KPNA3: variants seen among roughly 807,000 people sequenced by gnomAD.
KPNA3 encodes the protein importin subunit alpha-4.
KPNA3 carries 13 observed loss-of-function variants against 73.8 expected under a neutral mutation model. That is an observed-to-expected ratio of 0.18 (90% CI 0.11 to 0.28). The LOEUF is 0.28. Among genes scored for constraint, KPNA3 ranks in the 10% least tolerant of loss-of-function variants. The pLI is 1.00. For synonymous variants in KPNA3, 186 were observed against 206.9 expected, an observed-to-expected ratio of 0.90 and a Z score of 0.87; for missense variants, 360 against 618.1, an observed-to-expected ratio of 0.58 and a Z score of 4.43.
At chr13:49,704,483 A>T (rs1226962755) in intron 15 of KPNA3, among the ~76,000 whole-genome samples, 1 of 146,200 alleles carries the variant, frequency 6.8e-6, no homozygotes, top group Admixed American at 6.9e-5. Context: ...ATAAATAAAT[A>T]GAAAGAAAGA....
intron 15 of KPNA3, among the ~76,000 whole-genome samples, chr13:49,704,431 TAAAAAATAAATA>T (rs1434492088): frequency 1.5e-4 from 8 of 52,380 alleles, no homozygotes; most frequent in East Asian, 1.8e-3. Context: ...AATAAATAAA[TAAAAAATAAATA>T]AATAAATAAA....
chr13:49,740,290 A>G (rs142272196), intron 2 of KPNA3, among the ~76,000 whole-genome samples: 2 of 152,134 alleles, frequency 1.3e-5, no homozygotes, highest in East Asian at 1.9e-4. Context: ...CTTACATTTC[A>G]TTTTTGTGTG....
chr13:49,717,848 A>T (rs1197815962), intron 10 of KPNA3, among the ~76,000 whole-genome samples: 1 of 152,212 alleles, frequency 6.6e-6, no homozygotes, highest in Non-Finnish European at 1.5e-5. Flanking sequence ...GCTCGTCTCA[A>T]ATGTTACTTT....
intron 1 of KPNA3, among the ~76,000 whole-genome samples, chr13:49,752,760 G>A (rs772147748): frequency 2.4e-4 from 36 of 152,074 alleles, no homozygotes; most frequent in Non-Finnish European, 4.9e-4. Context: ...TGGGCACGGT[G>A]GCTTACGTCT....
intron 10 of KPNA3, among the ~76,000 whole-genome samples, chr13:49,713,387 A>G (rs917691608): frequency 5.9e-5 from 9 of 151,534 alleles, no homozygotes; most frequent in Admixed American, 1.3e-4. Flanking sequence ...GGGAAGTCAA[A>G]TAGGCAAAAA....
In KPNA3 at chr13:49,701,607, A is replaced by G. The variant is rs561195858; in HGVS notation, c.*193T>C. ...TCTAAAACAGTTTAGGAAATCATGC[A>G]TATGCATTTACAGTCCATGTGATAG... On this transcript the variant is annotated 3_prime_UTR_variant, in exon 17 of 17. Transcript: ENST00000261667. The G allele has an allele frequency of 1.4e-6, 1 of 719,252 alleles. No individual in the cohort carries two copies. Among genetic ancestry groups the G allele is most frequent in the Admixed American group, 1.9e-5 (1 of 51,706 alleles). 44.6% of individuals were successfully genotyped at this position (719,252 alleles called of 1,614,324 possible).
At chr13:49,783,905 G>A (rs1470072773) in intron 1 of KPNA3, among the ~76,000 whole-genome samples, 1 of 152,144 alleles carries the variant, frequency 6.6e-6, no homozygotes. Flanking sequence ...ACCAACTGAA[G>A]TTTAAATAAA....
intron 2 of KPNA3, among the ~76,000 whole-genome samples, chr13:49,734,950 T>TAGAGAGAGAGAGAGAGAGAG (rs879944192): frequency 2.6e-5 from 2 of 76,092 alleles, no homozygotes; most frequent in African/African-American, 6.9e-5. Flanking sequence ...GAGAGAGAGA[T>TAGAGAGAGAGAGAGAGAGAG]AGATAGAGAG....
At chr13:49,775,003 A>T (rs193210652) in intron 1 of KPNA3, among the ~76,000 whole-genome samples, 1 of 151,792 alleles carries the variant, frequency 6.6e-6, no homozygotes, top group Admixed American at 6.6e-5. Flanking sequence ...AAAATACAAA[A>T]ATTTGCCACT....
intron 1 of KPNA3, among the ~76,000 whole-genome samples, chr13:49,775,162 C>CAAAAAAAAAAAAAAAA (rs60494803): frequency 2.1e-5 from 2 of 93,058 alleles, no homozygotes; most frequent in African/African-American, 4.9e-5. Context: ...GACTCTGTCT[C>CAAAAAAAAAAAAAAAA]AAAAAAAAAA....
At chr13:49,708,194 A>C (rs1799340528) in intron 12 of KPNA3, among the ~76,000 whole-genome samples, 1 of 151,850 alleles carries the variant, frequency 6.6e-6, no homozygotes, top group East Asian at 1.9e-4. Context: ...ACGGGGTTTC[A>C]CTGTGTTAGC....
At chr13:49,751,889 T>C (rs745874416) in intron 1 of KPNA3, among the ~76,000 whole-genome samples, 26 of 152,126 alleles carry the variant, frequency 1.7e-4, no homozygotes, top group Admixed American at 2.0e-4. Flanking sequence ...GCCTGGGTGA[T>C]AGAGACCCTG....
intron 1 of KPNA3, among the ~76,000 whole-genome samples, chr13:49,762,446 T>C (rs916115409): frequency 1.3e-5 from 2 of 152,162 alleles, no homozygotes; most frequent in African/African-American, 2.4e-5. Context: ...GGGGAAAAGA[T>C]AGAGAAATCA....
intron 10 of KPNA3, among the ~76,000 whole-genome samples, chr13:49,718,821 T>C (rs1390578998): frequency 6.6e-6 from 1 of 152,170 alleles, no homozygotes; most frequent in African/African-American, 2.4e-5. Context: ...GCTAGAGTAA[T>C]GTGATACAAT....
intron 1 of KPNA3, among the ~76,000 whole-genome samples, chr13:49,788,846 C>T (rs995078550): frequency 1.3e-4 from 20 of 150,252 alleles, no homozygotes; most frequent in African/African-American, 4.9e-4. Flanking sequence ...CTCCAAATTT[C>T]TATCAGTGAT....
At chr13:49,722,214 C>T (rs1447860827) in intron 8 of KPNA3, 90 bp from the exon 9 acceptor site, 18 of 885,236 alleles carry the variant, frequency 2.0e-5, no homozygotes, top group Admixed American at 3.1e-5. Context: ...GGAACACTGA[C>T]GTTCTATGTT....
intron 1 of KPNA3, among the ~76,000 whole-genome samples, chr13:49,782,747 C>T (rs1032123534): frequency 6.6e-6 from 1 of 151,696 alleles, no homozygotes; most frequent in Admixed American, 6.6e-5. Context: ...GGCGTGGTGG[C>T]GTGCACCTGT....
intron 1 of KPNA3, among the ~76,000 whole-genome samples, chr13:49,768,009 A>G (rs1020632512): frequency 7.9e-5 from 12 of 152,062 alleles, no homozygotes; most frequent in African/African-American, 2.9e-4. Flanking sequence ...CTTTGTATTT[A>G]AAATGCTGCT....
intron 11 of KPNA3, 55 bp downstream of exon 11, chr13:49,710,836 A>G (rs1045487000): frequency 6.7e-7 from 1 of 1,490,396 alleles, no homozygotes; most frequent in Admixed American, 1.9e-5. Context: ...GTACAAGTTA[A>G]CTGGTTATAG....
Sources: gnomAD v4.1 joint callset for allele counts (sites outside exome capture counted in the v4.1 genomes callset) on GRCh38, gnomAD v4.1.1 for gene constraint, MANE v1.5 for transcripts, NCBI Gene and HGNC (gene_info 2026-07-23, HGNC 2026-07-21) for gene names.